RFX3: variants seen among roughly 807,000 people sequenced by gnomAD.
RFX3 encodes the protein regulatory factor X3, also known as transcription factor RFX3.
RFX3 carries 14 observed loss-of-function variants against 98.6 expected under a neutral mutation model. The observed-to-expected ratio is 0.14, with a 90% CI of 0.09 to 0.22. RFX3 has a LOEUF of 0.22. RFX3 is among the 10% of genes least tolerant of loss of function. The pLI is 1.00. For missense variants in RFX3, 639 were observed against 926.9 expected, an observed-to-expected ratio of 0.69 and a Z score of 4.03; for synonymous variants, 383 against 328.4, an observed-to-expected ratio of 1.17 and a Z score of -1.80.
At chr9:3,302,085 G>T (rs1355160879) in intron 4 of RFX3, among the ~76,000 whole-genome samples, 1 of 151,756 alleles carries the variant, frequency 6.6e-6, no homozygotes, top group African/African-American at 2.4e-5. Flanking sequence ...AATGAACAAA[G>T]ATTCTTTCAT....
intron 2 of RFX3, among the ~76,000 whole-genome samples, chr9:3,351,892 T>C (rs752340556): frequency 2.6e-5 from 4 of 152,014 alleles, no homozygotes; most frequent in Non-Finnish European, 4.4e-5. Context: ...AGGTAATTTA[T>C]AAGCAGGCAT....
intron 1 of RFX3, among the ~76,000 whole-genome samples, chr9:3,419,561 G>A (rs541761886): frequency 1.2e-4 from 18 of 152,098 alleles, no homozygotes; most frequent in Non-Finnish European, 1.8e-4. Flanking sequence ...AGTCTGTAAA[G>A]TATCAACTTA....
intron 1 of RFX3, among the ~76,000 whole-genome samples, chr9:3,401,261 C>T (rs1000356284): frequency 1.3e-5 from 2 of 152,174 alleles, no homozygotes; most frequent in African/African-American, 4.8e-5. Context: ...AGGAATATAA[C>T]CCTCCCGCCA....
chr9:3,313,983 C>T (rs1414624186), intron 4 of RFX3, among the ~76,000 whole-genome samples: 1 of 152,104 alleles, frequency 6.6e-6, no homozygotes, highest in Non-Finnish European at 1.5e-5. Context: ...CCCAATTGAA[C>T]GAGGCAGGCC....
chr9:3,456,702 G>C (rs150311328), intron 1 of RFX3, among the ~76,000 whole-genome samples: 1,605 of 152,164 alleles, frequency 0.011, 24 homozygotes, highest in African/African-American at 0.036. Flanking sequence ...CATTTCATGA[G>C]ACACTGTCTG....
intron 4 of RFX3, among the ~76,000 whole-genome samples, chr9:3,329,742 A>G (rs1352661952): frequency 6.6e-6 from 1 of 152,192 alleles, no homozygotes; most frequent in Non-Finnish European, 1.5e-5. Flanking sequence ...TTAAGTTAAT[A>G]ATAATACAGG....
At chr9:3,307,571 G>C (rs1215127610) in intron 4 of RFX3, among the ~76,000 whole-genome samples, 2 of 152,178 alleles carry the variant, frequency 1.3e-5, no homozygotes, top group Non-Finnish European at 2.9e-5. Context: ...GGGAGTCTAA[G>C]GGAGAAGGCT....
At chr9:3,474,866 G>C (rs116141032) in intron 1 of RFX3, among the ~76,000 whole-genome samples, 5,181 of 152,222 alleles carry the variant, frequency 0.034, 293 homozygotes, top group African/African-American at 0.12. Context: ...GGAGGCCAAG[G>C]AAGGAGAATC....
chr9:3,266,049 A>G (rs1440555077), intron 12 of RFX3, among the ~76,000 whole-genome samples, 159 bp downstream of exon 12: 1 of 152,104 alleles, frequency 6.6e-6, no homozygotes, highest in African/African-American at 2.4e-5. Context: ...GTTCTTTACT[A>G]CATGGTTATA....
At chr9:3,323,875 T>C (rs2130786072) in intron 4 of RFX3, 1 of 221,356 alleles carries the variant, frequency 4.5e-6, no homozygotes, top group East Asian at 1.0e-4. Context: ...AATTACTGCC[T>C]CTAGATCTTA....
intron 13 of RFX3, among the ~76,000 whole-genome samples, chr9:3,259,029 C>A (rs1369416928): frequency 2.6e-5 from 4 of 151,940 alleles, no homozygotes; most frequent in African/African-American, 9.7e-5. Flanking sequence ...TTAGACCTAT[C>A]TTCATTGTCC....
rs1825367747 is a variant in RFX3 at position 3,277,373 on chromosome 9, T to C, written c.940A>G (p.Ile314Val). ...QTGTSVEQTV[I>V]AQSQHHQQFL... is the part of the protein sequence containing the mutation. Reference sequence around the variant, plus strand: ...TGTTGATGATGTTGGCTTTGGGCAATTACAGTTTGCTCAACAGATGTGCCT... The same window carrying C: ...TGTTGATGATGTTGGCTTTGGGCAACTACAGTTTGCTCAACAGATGTGCCT... Residue 314 changes from isoleucine (I) to valine (V), a missense_variant, in exon 8 of 17, where the codon ATT becomes GTT. Ile to Val is a conservative substitution (Grantham distance 29). This residue lies in a region of RFX3 where 86 missense variants were observed against 113.2 expected (regional missense o/e 0.76). Transcript: ENST00000617270. 6.2e-7 allele frequency: 1 copy of C among 1,612,826 alleles called. No individual in the cohort carries two copies. Among genetic ancestry groups the C allele is most frequent in the Non-Finnish European group, 8.5e-7 (1 of 1,179,064 alleles).
At chr9:3,353,911 A>G (rs1037816377) in intron 2 of RFX3, among the ~76,000 whole-genome samples, 12 of 152,058 alleles carry the variant, frequency 7.9e-5, no homozygotes, top group Admixed American at 7.2e-4. Flanking sequence ...TAAAACAGCT[A>G]TTATGAATAG....
At chr9:3,396,600 C>T (rs1243224811) in intron 1 of RFX3, among the ~76,000 whole-genome samples, 2 of 151,054 alleles carry the variant, frequency 1.3e-5, no homozygotes, top group African/African-American at 2.4e-5. Flanking sequence ...GTTCTAGATC[C>T]CTGAGGAATC....
At chr9:3,239,456 T>C (rs987776981) in intron 15 of RFX3, among the ~76,000 whole-genome samples, 7 of 152,242 alleles carry the variant, frequency 4.6e-5, no homozygotes, top group Non-Finnish European at 1.0e-4. Flanking sequence ...GCTAGACAGC[T>C]ATCCTGGCAA....
At chr9:3,398,914 T>TAAA (rs71324247) in intron 1 of RFX3, among the ~76,000 whole-genome samples, 2,152 of 67,436 alleles carry the variant, frequency 0.032, 144 homozygotes, top group African/African-American at 0.092. Flanking sequence ...TAGAGTATAA[T>TAAA]AAAAAAAAAA....
intron 1 of RFX3, among the ~76,000 whole-genome samples, chr9:3,468,327 G>C (rs1414642644): frequency 6.6e-6 from 1 of 152,150 alleles, no homozygotes; most frequent in Non-Finnish European, 1.5e-5. Flanking sequence ...AGTCAGGTGA[G>C]ATTCTGTCCA....
At chr9:3,325,570 T>C (rs1228914336) in intron 4 of RFX3, among the ~76,000 whole-genome samples, 1 of 152,062 alleles carries the variant, frequency 6.6e-6, no homozygotes, top group Non-Finnish European at 1.5e-5. Flanking sequence ...CAAAAATGAT[T>C]AATGTAATCT....
chr9:3,410,161 C>CTGTGTGTGTGTGTG (rs555349379), intron 1 of RFX3, among the ~76,000 whole-genome samples: 7,385 of 113,994 alleles, frequency 0.065, 476 homozygotes, highest in East Asian at 0.089. Flanking sequence ...GTGAGATAAA[C>CTGTGTGTGTGTGTG]TGTGTGTGTG....
Sources: allele counts gnomAD v4.1 joint callset (sites outside exome capture counted in the v4.1 genomes callset), GRCh38; gene constraint gnomAD v4.1.1; regional missense constraint gnomAD v4.1.1; transcripts MANE v1.5; gene names NCBI Gene and HGNC (gene_info 2026-07-23, HGNC 2026-07-21).